DDX10: variants seen among roughly 807,000 people sequenced by gnomAD.
DDX10 encodes probable ATP-dependent RNA helicase DDX10.
DDX10 carries 74 observed loss-of-function variants against 104.3 expected under a neutral mutation model. The observed-to-expected ratio is 0.71, with a 90% CI of 0.59 to 0.86. The LOEUF is 0.86. Among genes scored for constraint, DDX10 ranks in the 40% least tolerant of loss-of-function variants. The probability of loss-of-function intolerance (pLI) is 0.00; values close to 1 mark genes in which losing one functional copy is unlikely to be tolerated. For synonymous variants in DDX10, 351 were observed against 353.4 expected (o/e 0.99, Z 0.08); for missense variants, 952 against 1,040.0 (o/e 0.92, Z 1.16).
chr11:108,666,239 C>T (rs147467863), intron 1 of DDX10, among the ~76,000 whole-genome samples: 19 of 152,220 alleles, frequency 1.2e-4, no homozygotes, highest in African/African-American at 3.6e-4. Context: ...ACAAACTTGG[C>T]GGCTTAAAAC....
intron 16 of DDX10, among the ~76,000 whole-genome samples, chr11:108,910,837 G>A (rs1401811493): frequency 1.3e-5 from 2 of 151,144 alleles, no homozygotes; most frequent in African/African-American, 2.4e-5. Flanking sequence ...ATGATAGGGG[G>A]TTCTTGTTTT....
At position 108,841,402 on chromosome 11, in the gene DDX10, G is replaced by A. The variant is rs1355747770; in HGVS notation, c.2173G>A (p.Ala725Thr). The change falls in exon 15 of 18, where the codon GCA becomes ACA. Residue 725 changes from alanine to threonine, a missense_variant. Ala to Thr is a moderately conservative substitution (Grantham distance 58, BLOSUM62 0). Transcript: ENST00000322536. Reference sequence around the variant, plus strand: ...CACAGGTGGTATCAACTTACATAAAGCAAAGGAAAGACTTCAGGAAGAGGA... The same window carrying A: ...CACAGGTGGTATCAACTTACATAAAACAAAGGAAAGACTTCAGGAAGAGGA... The part of the protein sequence containing the change: ...DDTGGINLHK[A>T]KERLQEEDKF... The A allele has an allele frequency of 1.9e-6, 3 of 1,613,852 alleles. No homozygotes were observed. Among genetic ancestry groups the A allele is most frequent in the Non-Finnish European group, 2.5e-6 (3 of 1,179,886 alleles).
At chr11:108,875,750 G>A (rs568888397) in intron 16 of DDX10, among the ~76,000 whole-genome samples, 29 of 152,222 alleles carry the variant, frequency 1.9e-4, no homozygotes, top group African/African-American at 6.5e-4. Flanking sequence ...TTCACGTTTC[G>A]CGGTCCTGTT....
chr11:108,710,902 G>A (rs968543871), intron 10 of DDX10, among the ~76,000 whole-genome samples: 5 of 152,112 alleles, frequency 3.3e-5, no homozygotes, highest in African/African-American at 9.7e-5. Flanking sequence ...TGATCCTCCC[G>A]AGTAGCCTGC....
At chr11:108,807,035 A>G (rs907551747) in intron 13 of DDX10, among the ~76,000 whole-genome samples, 2 of 152,232 alleles carry the variant, frequency 1.3e-5, no homozygotes, top group African/African-American at 4.8e-5. Context: ...GTTGGGGATA[A>G]GAGAAGCAGA....
chr11:108,911,307 A>G (rs1409764720), intron 16 of DDX10, among the ~76,000 whole-genome samples: 2 of 152,166 alleles, frequency 1.3e-5, no homozygotes. Context: ...GATTGGGGGT[A>G]ATTTATAAAC....
intron 13 of DDX10, among the ~76,000 whole-genome samples, chr11:108,825,552 A>G (rs1042561440): frequency 2.6e-5 from 4 of 152,204 alleles, no homozygotes; most frequent in Non-Finnish European, 4.4e-5. Flanking sequence ...AGCTGAGATC[A>G]CTGCATATCT....
chr11:108,683,976 G>A (rs557583977), intron 6 of DDX10, among the ~76,000 whole-genome samples: 11 of 151,980 alleles, frequency 7.2e-5, no homozygotes, highest in Admixed American at 4.6e-4. Context: ...ATCTTTTTAT[G>A]TCCTTGAATC....
At chr11:108,670,003 C>A (rs1457519922) in intron 1 of DDX10, among the ~76,000 whole-genome samples, 11 of 152,286 alleles carry the variant, frequency 7.2e-5, no homozygotes, top group Admixed American at 2.6e-4. Context: ...ACCTCCAGAG[C>A]TCTAAGGTAA....
rs772645189 is a variant in DDX10, at chr11:108,715,980, CA to C, written c.1410+15del. ...AGAGCTCAAAGGGTAAGTCATTTTT[CA>C]GTTGGATACTTTCATTGACTGGAAA... On this transcript the variant is annotated intron_variant, in intron 11 of 17. Transcript: ENST00000322536. The C allele has an allele frequency of 7.5e-7, 1 of 1,333,634 alleles. No homozygotes were observed. Among genetic ancestry groups the C allele is most frequent in the East Asian group, 2.3e-5 (1 of 43,416 alleles). 82.6% of individuals were successfully genotyped at this position (1,333,634 alleles called of 1,614,324 possible).
At chr11:108,894,467 TACA>T (rs1863415087) in intron 16 of DDX10, among the ~76,000 whole-genome samples, 1 of 152,050 alleles carries the variant, frequency 6.6e-6, no homozygotes, top group African/African-American at 2.4e-5. Flanking sequence ...TGTTATGTGC[TACA>T]GATCATGACT....
intron 16 of DDX10, among the ~76,000 whole-genome samples, chr11:108,884,454 C>T (rs1863268143): frequency 6.6e-6 from 1 of 152,126 alleles, no homozygotes; most frequent in Non-Finnish European, 1.5e-5. Flanking sequence ...CTCTTCCCCT[C>T]CTCCCGTAAC....
intron 13 of DDX10, among the ~76,000 whole-genome samples, chr11:108,772,206 A>G (rs1272652068): frequency 6.6e-6 from 1 of 152,274 alleles, no homozygotes; most frequent in African/African-American, 2.4e-5. Context: ...GTCTCCTGCA[A>G]GAGATACACC....
chr11:108,839,412 C>G (rs908240836), intron 14 of DDX10, among the ~76,000 whole-genome samples: 1 of 152,326 alleles, frequency 6.6e-6, no homozygotes, highest in Non-Finnish European at 1.5e-5. Flanking sequence ...TTCCACTCCA[C>G]TTCTTCTTGA....
Position 108,900,313 on chromosome 11 carries a change from A to G in DDX10, c.2305-17560A>G, listed in dbSNP as rs540415950. Reference sequence around the variant, plus strand: ...ATTACCTGGTCTCAGGTATTTCTTTATAGCAATACAAGAATGGTCTAATAC... The same window carrying G: ...ATTACCTGGTCTCAGGTATTTCTTTGTAGCAATACAAGAATGGTCTAATAC... On this transcript the variant is annotated intron_variant, in intron 16 of 17. Transcript: ENST00000322536. Among the ~76,000 whole-genome samples the G allele has an allele frequency of 6.6e-5, 10 of 152,312 alleles. No homozygotes were observed. In the South Asian group the frequency reaches 2.1e-3, roughly 32 times the overall value.
At position 108,791,917 on chromosome 11, in the gene DDX10, A is replaced by G. The variant is rs116225898; in HGVS notation, c.1966-46529A>G. On this transcript the variant is annotated intron_variant, in intron 13 of 17. Transcript: ENST00000322536. ...TTTGACTTTGCCAGCAGTGTATGATAGTTCTAGTTGTTCTTCATCATTGCA... is the reference window on the plus strand; with the variant it reads ...TTTGACTTTGCCAGCAGTGTATGATGGTTCTAGTTGTTCTTCATCATTGCA... Among the ~76,000 whole-genome samples the G allele has an allele frequency of 4.4e-3, 665 of 152,296 alleles. 1 individual carries two copies. Among genetic ancestry groups the G allele is most frequent in the African/African-American group, 0.015 (641 of 41,570 alleles).
rs1319987319 is a variant in DDX10 at position 108,677,353 on chromosome 11, C to CT, written c.537+110_537+111insT. 8 of 984,118 alleles carry CT rather than the reference C, an allele frequency of 8.1e-6. No individual in the cohort carries two copies. In the Admixed American group the frequency reaches 1.7e-4, roughly 20 times the overall value. 61.0% of individuals were successfully genotyped at this position (984,118 alleles called of 1,614,324 possible). On this transcript the variant is annotated intron_variant, in intron 4 of 17. Transcript: ENST00000322536. ...TTCATCTAAACAGACTGACCTAGAC[C>CT]AGGGCCTCATGGGATAGTAGCACTT...
At chr11:108,827,113 G>A (rs7129535) in intron 13 of DDX10, among the ~76,000 whole-genome samples, 10,163 of 152,192 alleles carry the variant, frequency 0.067, 389 homozygotes, top group Middle Eastern at 0.13. Flanking sequence ...AAAATTTGTA[G>A]GAACAAGATT....
intron 13 of DDX10, among the ~76,000 whole-genome samples, chr11:108,811,670 C>T (rs1591824633): frequency 6.6e-6 from 1 of 152,174 alleles, no homozygotes; most frequent in East Asian, 1.9e-4. Context: ...TAAAAGTGGT[C>T]ATCCAACATG....
Sources: gnomAD v4.1 joint callset for allele counts (sites outside exome capture counted in the v4.1 genomes callset) on GRCh38, gnomAD v4.1.1 for gene constraint, MANE v1.5 for transcripts, NCBI Gene and HGNC (gene_info 2026-07-23, HGNC 2026-07-21) for gene names.